The following ROBO2 variants were observed in gnomAD, a reference collection of about 807,000 sequenced individuals.
ROBO2 encodes roundabout guidance receptor 2, also known as roundabout homolog 2.
A neutral mutation model predicts 160.8 loss-of-function variants in ROBO2; 53 were observed. The ratio of observed to expected loss-of-function variants is 0.33; its 90% CI spans 0.26 to 0.41. The LOEUF (loss-of-function observed/expected upper bound fraction) is 0.41. Ranked by LOEUF, ROBO2 falls within the 10% of genes least tolerant of loss-of-function variation. The pLI, the probability that ROBO2 is intolerant of heterozygous loss-of-function variation, is 1.00. For missense variants in ROBO2, 1,577 were observed against 1,722.4 expected, an observed-to-expected ratio of 0.92 and a Z score of 1.49; for synonymous variants, 664 against 611.7, an observed-to-expected ratio of 1.09 and a Z score of -1.26.
At chr3:77,633,767 A>G (rs2095215148) in intron 23 of ROBO2, 1 of 152,210 alleles carries the variant, frequency 6.6e-6, no homozygotes, top group South Asian at 2.1e-4. Flanking sequence ...AATACGTTGT[A>G]ATAGAACTGT....
At chr3:76,109,817 T>C (rs1482126247) in intron 2 of ROBO2, among the ~76,000 whole-genome samples, 1 of 151,890 alleles carries the variant, frequency 6.6e-6, no homozygotes, top group African/African-American at 2.4e-5. Flanking sequence ...CTCATCCCTC[T>C]CCCACCCTTC....
At chr3:77,220,930 TA>T (rs528989840) in intron 2 of ROBO2, among the ~76,000 whole-genome samples, 2 of 152,146 alleles carry the variant, frequency 1.3e-5, no homozygotes, top group South Asian at 2.1e-4. Flanking sequence ...TTTTCTATTA[TA>T]AAAAAATAGA....
intron 5 of ROBO2, among the ~76,000 whole-genome samples, chr3:77,510,975 TAAG>T (rs1184590517): frequency 6.6e-6 from 1 of 151,926 alleles, no homozygotes; most frequent in Non-Finnish European, 1.5e-5. Context: ...GAAAGACAGA[TAAG>T]AAGGACACTT....
At chr3:76,281,337 T>C (rs762535382) in intron 2 of ROBO2, among the ~76,000 whole-genome samples, 6 of 151,980 alleles carry the variant, frequency 3.9e-5, no homozygotes, top group Non-Finnish European at 7.4e-5. Context: ...ATTCTGCAAC[T>C]ATATGGGTAT....
intron 2 of ROBO2, among the ~76,000 whole-genome samples, chr3:77,168,676 C>T (rs1014461571): frequency 3.9e-5 from 6 of 152,126 alleles, no homozygotes; most frequent in African/African-American, 1.4e-4. Flanking sequence ...CTAGTAAGTA[C>T]GTGACCTATT....
intron 2 of ROBO2, among the ~76,000 whole-genome samples, chr3:76,320,786 T>C (rs923998398): frequency 9.9e-5 from 15 of 152,118 alleles, no homozygotes; most frequent in African/African-American, 3.4e-4. Flanking sequence ...AGGGTTGAGG[T>C]TGTTGATTGC....
intron 2 of ROBO2, among the ~76,000 whole-genome samples, chr3:76,774,902 C>G (rs1415407883): frequency 6.7e-6 from 1 of 149,332 alleles, no homozygotes; most frequent in Non-Finnish European, 1.5e-5. Flanking sequence ...AGTTTGGATG[C>G]AAAGCTGGCA....
intron 2 of ROBO2, among the ~76,000 whole-genome samples, chr3:76,114,352 C>T (rs2070370246): frequency 6.6e-6 from 1 of 152,072 alleles, no homozygotes; most frequent in Non-Finnish European, 1.5e-5. Flanking sequence ...TAAATTGATT[C>T]TATCCAAGAA....
intron 2 of ROBO2, among the ~76,000 whole-genome samples, chr3:76,851,268 C>T (rs191040262): frequency 5.3e-5 from 8 of 152,280 alleles, no homozygotes; most frequent in Non-Finnish European, 1.0e-4. Context: ...CTCACTGCCA[C>T]ATTTCAAGTG....
intron 17 of ROBO2, among the ~76,000 whole-genome samples, chr3:77,591,935 G>A (rs2094190848): frequency 6.6e-6 from 1 of 152,176 alleles, no homozygotes; most frequent in African/African-American, 2.4e-5. Flanking sequence ...CACCAGATAT[G>A]ATTTCCATTT....
chr3:76,220,446 T>C (rs902577753), intron 2 of ROBO2, among the ~76,000 whole-genome samples: 1 of 152,090 alleles, frequency 6.6e-6, no homozygotes, highest in African/African-American at 2.4e-5. Flanking sequence ...CAGGGATTAG[T>C]GCCTTATAAA....
chr3:76,232,275 TGAGAA>T (rs757391589), intron 2 of ROBO2, among the ~76,000 whole-genome samples: 4 of 152,204 alleles, frequency 2.6e-5, no homozygotes, highest in Non-Finnish European at 4.4e-5. Context: ...ATAGTAGACT[TGAGAA>T]GAGAAGAAAA....
chr3:76,384,040 T>G (rs1022778250), intron 2 of ROBO2, among the ~76,000 whole-genome samples: 1 of 152,054 alleles, frequency 6.6e-6, no homozygotes, highest in Non-Finnish European at 1.5e-5. Flanking sequence ...GATAAGGCAC[T>G]GGAAGAGAAT....
At chr3:77,108,530 C>T (rs62251787) in intron 2 of ROBO2, among the ~76,000 whole-genome samples, 4,174 of 152,086 alleles carry the variant, frequency 0.027, 66 homozygotes, top group Middle Eastern at 0.054. Context: ...GTTTCCTAAT[C>T]GTTAAGAGTA....
chr3:76,087,778 T>C (rs2069072582), intron 2 of ROBO2, among the ~76,000 whole-genome samples: 1 of 152,058 alleles, frequency 6.6e-6, no homozygotes, highest in African/African-American at 2.4e-5. Context: ...ATTAGAGTTA[T>C]TGTGTTATAA....
intron 2 of ROBO2, among the ~76,000 whole-genome samples, chr3:76,857,134 C>T (rs1463435460): frequency 3.9e-5 from 6 of 152,006 alleles, no homozygotes; most frequent in Non-Finnish European, 7.4e-5. Context: ...TACAGGCGCC[C>T]GCCACCACGC....
intron 6 of ROBO2, among the ~76,000 whole-genome samples, chr3:77,539,774 G>C (rs2092370164): frequency 6.6e-6 from 1 of 152,132 alleles, no homozygotes; most frequent in Non-Finnish European, 1.5e-5. Flanking sequence ...AGACATATAG[G>C]CTGGGGAAAA....
chr3:77,238,561 GA>G (rs1246821679), intron 2 of ROBO2, among the ~76,000 whole-genome samples: 3 of 151,954 alleles, frequency 2.0e-5, no homozygotes, highest in East Asian at 1.9e-4. Flanking sequence ...AGATTTGAAT[GA>G]AAAAATATTT....
chr3:76,547,179 A>C (rs2108304644), intron 2 of ROBO2, among the ~76,000 whole-genome samples: 1 of 152,170 alleles, frequency 6.6e-6, no homozygotes, highest in South Asian at 2.1e-4. Flanking sequence ...TTAAAAATAA[A>C]GATGTTTTTA....
Sources: allele counts gnomAD v4.1 joint callset (sites outside exome capture counted in the v4.1 genomes callset), GRCh38; gene constraint gnomAD v4.1.1; transcripts MANE v1.5; gene names NCBI Gene and HGNC (gene_info 2026-07-23, HGNC 2026-07-21).